The following DNAH14 variants were observed in gnomAD, a reference collection of about 807,000 sequenced individuals.
DNAH14 encodes the protein axonemal beta dynein heavy chain 14.
DNAH14 carries 478 observed loss-of-function variants against 520.9 expected under a neutral mutation model. The observed-to-expected ratio is 0.92, with a 90% CI of 0.85 to 0.99. The LOEUF (loss-of-function observed/expected upper bound fraction) is 0.99. Ranked by LOEUF, DNAH14 falls within the 50% of genes least tolerant of loss-of-function variation. The pLI, the probability that DNAH14 is intolerant of heterozygous loss-of-function variation, is 0.00. For missense variants in DNAH14, 4,831 were observed against 5,234.5 expected (o/e 0.92, Z 2.38); for synonymous variants, 1,581 against 1,757.2 (o/e 0.90, Z 2.51).
chr1:225,392,515 A>T lies in DNAH14; in HGVS notation c.13491+64A>T. 6.5e-6 allele frequency: 10 copies of T among 1,531,418 alleles called. No homozygotes were observed. The South Asian group carries it at 1.1e-4, about 17-fold the overall frequency. The allele number at this position is 1,531,418 out of a possible 1,614,324, so 94.9% of individuals were successfully genotyped here. A position where few individuals can be genotyped will look rare whatever the true frequency, so the allele number is the denominator to read the frequency against. ...CATTCATTCATTTATTCATTCAATCAATTGTGCCCTTTACAAACCTTTACT... is the reference window on the plus strand; with the variant it reads ...CATTCATTCATTTATTCATTCAATCTATTGTGCCCTTTACAAACCTTTACT... On this transcript the variant is annotated intron_variant, in intron 84 of 85. Coordinates refer to ENST00000682510, the MANE Select transcript of DNAH14 (RefSeq NM_001367479.1).
At chr1:225,388,278 C>A in intron 81 of DNAH14, 101 bp from the exon 82 acceptor site, 1 of 596,676 alleles carries the variant, frequency 1.7e-6, no homozygotes, top group Non-Finnish European at 2.9e-6. Context: ...CAAGTTATTT[C>A]TCCCTGGCAA....
chr1:225,039,699 G>C (rs2067274815), intron 12 of DNAH14, among the ~76,000 whole-genome samples: 1 of 150,288 alleles, frequency 6.7e-6, no homozygotes, highest in African/African-American at 2.4e-5. Flanking sequence ...AAGTAGCCTT[G>C]TACCCCGTCT....
intron 21 of DNAH14, among the ~76,000 whole-genome samples, chr1:225,094,678 ACAACAAAAC>A (rs1240406794): frequency 7.2e-5 from 6 of 83,638 alleles, no homozygotes; most frequent in Non-Finnish European, 1.2e-4. Flanking sequence ...AAAAAAAAAA[ACAACAAAAC>A]AAACAAACAA....
intron 51 of DNAH14, 125 bp from the exon 52 acceptor site, chr1:225,272,830 C>A: frequency 2.1e-6 from 2 of 968,606 alleles, no homozygotes; most frequent in Non-Finnish European, 2.9e-6. Context: ...TAGAAATTCA[C>A]AATTCTTACC....
At chr1:225,195,097 AT>A (rs1014125500) in intron 38 of DNAH14, among the ~76,000 whole-genome samples, 2 of 152,090 alleles carry the variant, frequency 1.3e-5, no homozygotes, top group African/African-American at 4.8e-5. Flanking sequence ...AAGCACAGTG[AT>A]TTGGTGATTT....
Position 225,258,010 on chromosome 1 carries a change from A to T in DNAH14, c.6916A>T (p.Ile2306Leu), listed in dbSNP as rs1235074460. 6.5e-7 allele frequency: 1 copy of T among 1,549,936 alleles called. No homozygotes were observed. Among genetic ancestry groups the T allele is most frequent in the Admixed American group, 2.0e-5 (1 of 50,714 alleles). ...LQRSGGNFLKITECGECINYT... is the reference protein window; with the variant it reads ...LQRSGGNFLKLTECGECINYT... ...AAGATCTGGCGGAAACTTCTTGAAGATAACAGAATGTGGAGAATGCATTAA... is the reference window on the plus strand; with the variant it reads ...AAGATCTGGCGGAAACTTCTTGAAGTTAACAGAATGTGGAGAATGCATTAA... The change falls in exon 45 of 86, where the codon ATA becomes TTA. Residue 2306 changes from isoleucine to leucine, a missense_variant. Ile to Leu is a conservative substitution (Grantham distance 5). Coordinates refer to ENST00000682510, the MANE Select transcript of DNAH14 (RefSeq NM_001367479.1).
chr1:224,980,861 G>A (rs1349717061), intron 8 of DNAH14, among the ~76,000 whole-genome samples: 2 of 152,138 alleles, frequency 1.3e-5, no homozygotes, highest in Non-Finnish European at 2.9e-5. Context: ...GCTATGGGAG[G>A]GATAGCATTA....
chr1:225,318,504 C>A, intron 60 of DNAH14, 79 bp from the exon 61 acceptor site: 1 of 1,237,894 alleles, frequency 8.1e-7, no homozygotes, highest in Non-Finnish European at 1.1e-6. Context: ...ATTATATTTT[C>A]CAAGTTCAGC....
chr1:225,037,041 ACTC>A (rs1269515677), intron 11 of DNAH14, among the ~76,000 whole-genome samples: 1 of 151,046 alleles, frequency 6.6e-6, no homozygotes, highest in Non-Finnish European at 1.5e-5. Context: ...AAGTATAACT[ACTC>A]CTCTTTTATG....
chr1:225,209,228 A>T (rs910034197), intron 41 of DNAH14, among the ~76,000 whole-genome samples: 1 of 152,236 alleles, frequency 6.6e-6, no homozygotes, highest in African/African-American at 2.4e-5. Flanking sequence ...TTATACCTGG[A>T]AATGGGCATA....
rs74675914 is a variant in DNAH14 at position 225,138,661 on chromosome 1, A to G, written c.4255-2107A>G. ...GGCTTACAAGGGGATCTCCTGCTCC[A>G]CAGGTTGCAAAGATTCGTGGGAAAA... On this transcript the variant is annotated intron_variant, in intron 27 of 85. Coordinates refer to ENST00000682510, the MANE Select transcript of DNAH14 (RefSeq NM_001367479.1). 7.6e-3 allele frequency among the ~76,000 whole-genome samples: 1,157 copies of G among 152,188 alleles called. 18 individuals carry two copies. The highest frequency in any genetic ancestry group is 0.026 in the African/African-American group (1,095 of 41,536).
chr1:224,974,570 A>T (rs531511133), intron 8 of DNAH14, among the ~76,000 whole-genome samples: 1 of 152,202 alleles, frequency 6.6e-6, no homozygotes, highest in Non-Finnish European at 1.5e-5. Flanking sequence ...GAGATATCCC[A>T]TGTACCTTTT....
chr1:225,370,800 A>C (rs897083884), intron 77 of DNAH14, among the ~76,000 whole-genome samples: 1 of 152,126 alleles, frequency 6.6e-6, no homozygotes. Flanking sequence ...AAAAGGAAAA[A>C]TACATTTTAA....
chr1:225,130,810 T>C (rs1335812192), intron 27 of DNAH14, among the ~76,000 whole-genome samples: 1 of 138,012 alleles, frequency 7.2e-6, no homozygotes, highest in Non-Finnish European at 1.7e-5. Flanking sequence ...CCCTAAAACT[T>C]AAAGTATAAT....
At chr1:224,993,346 G>A (rs1362612738) in intron 8 of DNAH14, among the ~76,000 whole-genome samples, 1 of 151,988 alleles carries the variant, frequency 6.6e-6, no homozygotes, top group African/African-American at 2.4e-5. Context: ...TTTTTGATGG[G>A]AGATTTAGTT....
intron 42 of DNAH14, among the ~76,000 whole-genome samples, chr1:225,231,440 A>T (rs1169415311): frequency 6.6e-6 from 1 of 152,184 alleles, no homozygotes; most frequent in Admixed American, 6.5e-5. Flanking sequence ...TGAATCTGCC[A>T]TTTATGAACT....
intron 28 of DNAH14, among the ~76,000 whole-genome samples, chr1:225,141,289 A>G (rs1178753723): frequency 1.3e-5 from 2 of 152,092 alleles, no homozygotes; most frequent in African/African-American, 2.4e-5. Flanking sequence ...TCACATTCAC[A>G]TAACATGTGA....
In DNAH14 at chr1:225,226,303, C is replaced by T. The variant is rs371565027; in HGVS notation, c.6440-4770C>T. On this transcript the variant is annotated intron_variant, in intron 41 of 85. Coordinates refer to ENST00000682510, the MANE Select transcript of DNAH14 (RefSeq NM_001367479.1). ...AGGTGCCAGGTAACACTATATATCGCTCCACTATCCTCCCGCTGTGTGTAA... is the reference window on the plus strand; with the variant it reads ...AGGTGCCAGGTAACACTATATATCGTTCCACTATCCTCCCGCTGTGTGTAA... Among the ~76,000 whole-genome samples the T allele has an allele frequency of 8.7e-4, 133 of 152,288 alleles. 1 individual carries two copies. Among genetic ancestry groups the T allele is most frequent in the African/African-American group, 3.0e-3 (125 of 41,566 alleles).
At chr1:225,392,788 T>C (rs1409250070) in intron 84 of DNAH14, among the ~76,000 whole-genome samples, 1 of 152,364 alleles carries the variant, frequency 6.6e-6, no homozygotes, top group African/African-American at 2.4e-5. Flanking sequence ...AAACCTGTCC[T>C]AGCTGCTCAT....
Sources: gnomAD v4.1 joint callset for allele counts (sites outside exome capture counted in the v4.1 genomes callset) on GRCh38, gnomAD v4.1.1 for gene constraint, MANE v1.5 for transcripts, NCBI Gene and HGNC (gene_info 2026-07-23, HGNC 2026-07-21) for gene names.